The following ESYT3 variants were observed in gnomAD, a reference collection of about 807,000 sequenced individuals.
ESYT3 encodes the protein extended synaptotagmin 3.
In ESYT3, 101 loss-of-function variants were observed where a neutral mutation model predicts 111.5. The ratio of observed to expected loss-of-function variants is 0.91; its 90% CI spans 0.77 to 1.07. The LOEUF (loss-of-function observed/expected upper bound fraction) is 1.07, where lower values mean the gene tolerates loss of function less well. Among genes scored for constraint, ESYT3 ranks in the 50% least tolerant of loss-of-function variants. The probability of loss-of-function intolerance (pLI) is 0.00; values close to 1 mark genes in which losing one functional copy is unlikely to be tolerated. For synonymous variants in ESYT3, 416 were observed against 446.8 expected (o/e 0.93, Z 0.87); for missense variants, 1,097 against 1,109.4 (o/e 0.99, Z 0.16).
chr3:138,454,087 C>T (rs761836996), intron 2 of ESYT3, among the ~76,000 whole-genome samples: 2 of 152,164 alleles, frequency 1.3e-5, no homozygotes, highest in South Asian at 2.1e-4. Flanking sequence ...GGGACCCTAT[C>T]GCTACAAAAA....
At position 138,439,892 on chromosome 3, in the gene ESYT3, G is replaced by A. The variant is rs563578737; in HGVS notation, c.327+4767G>A. Among the ~76,000 whole-genome samples, 3 of 152,328 alleles carry A rather than the reference G, an allele frequency of 2.0e-5. No homozygotes were observed. In the South Asian group the frequency reaches 6.2e-4, roughly 32 times the overall value. ...TGGTAGCCATCAGTTACATCAGTTG[G>A]CAGCTTTGTGAGGGGCAGTTAACTC... On this transcript the variant is annotated intron_variant, in intron 1 of 22. Transcript: ENST00000389567.
chr3:138,478,861 A>C lies in ESYT3; in HGVS notation c.*2007A>C, dbSNP rs1195863811. The C allele has an allele frequency of 6.6e-6, 1 of 152,214 alleles. No individual in the cohort carries two copies. The highest frequency in any genetic ancestry group is 2.4e-5 in the African/African-American group (1 of 41,442). 9.4% of individuals were successfully genotyped at this position (152,214 alleles called of 1,614,324 possible). On this transcript the variant is annotated 3_prime_UTR_variant, in exon 23 of 23. Coordinates refer to ENST00000389567, the MANE Select transcript of ESYT3 (RefSeq NM_031913.5). ...ACAATCAGCTAATATGCAGGAGCAT[A>C]GGGTCTGAAGTTAACATCATCTTGG...
At chr3:138,443,705 CGT>C (rs2031325450) in intron 1 of ESYT3, among the ~76,000 whole-genome samples, 1 of 148,666 alleles carries the variant, frequency 6.7e-6, no homozygotes, top group Admixed American at 6.8e-5. Flanking sequence ...TGTGTGTCTG[CGT>C]GTGTGTCCAC....
At chr3:138,439,198 T>C (rs2030953247) in intron 1 of ESYT3, among the ~76,000 whole-genome samples, 1 of 152,244 alleles carries the variant, frequency 6.6e-6, no homozygotes, top group South Asian at 2.1e-4. Context: ...CAGTGGGGGC[T>C]GTCCCTTTAT....
downstream of ESYT3, chr3:138,480,895 A>G (rs372125502): frequency 3.0e-4 from 46 of 152,322 alleles, 1 homozygote; most frequent in African/African-American, 1.1e-3. Context: ...CAGGGAGCCA[A>G]CTGGGCCAAA....
In ESYT3 at chr3:138,476,429, T is replaced by G; in HGVS notation, c.2575-14T>G. 1 of 1,613,666 alleles carries G rather than the reference T, an allele frequency of 6.2e-7. No homozygotes were observed. The highest frequency in any genetic ancestry group is 8.5e-7 in the Non-Finnish European group (1 of 1,179,624). On this transcript the variant is annotated splice_polypyrimidine_tract_variant and intron_variant, in intron 21 of 22. Transcript: ENST00000389567. Reference sequence around the variant, plus strand: ...AGTGTTTTGGAGGGGAACTAATTATTTGTGATTATTTAGGTACTGATTGAC... The same window carrying G: ...AGTGTTTTGGAGGGGAACTAATTATGTGTGATTATTTAGGTACTGATTGAC...
chr3:138,459,193 CG>C lies in ESYT3; in HGVS notation c.592del (p.Asp198ThrfsTer15). ...TTTCCACCCCCCATTTCAGCTACAT[CG>C]GGGACTGTGAGATCAGTGTGGAGCT... The part of the protein sequence containing the change: ...VTVDLQICYI[G>X]DCEISVELQK... On this transcript the variant is annotated frameshift_variant, in exon 5 of 23. Coordinates refer to ENST00000389567, the MANE Select transcript of ESYT3 (RefSeq NM_031913.5). LOFTEE classifies it high-confidence loss of function. The C allele has an allele frequency of 6.5e-7, 1 of 1,535,128 alleles. No homozygotes were observed. The highest frequency in any genetic ancestry group is 8.8e-7 in the Non-Finnish European group (1 of 1,131,716).
At chr3:138,442,883 C>T (rs913495223) in intron 1 of ESYT3, among the ~76,000 whole-genome samples, 1 of 152,180 alleles carries the variant, frequency 6.6e-6, no homozygotes, top group Non-Finnish European at 1.5e-5. Context: ...TTTGCCCATT[C>T]ACTGTGGTCT....
chr3:138,449,619 C>T (rs928161001), intron 1 of ESYT3, among the ~76,000 whole-genome samples: 5 of 152,152 alleles, frequency 3.3e-5, no homozygotes, highest in African/African-American at 4.8e-5. Flanking sequence ...GATCACCTTT[C>T]GGGGTCGAGA....
rs1299606130 is a variant in ESYT3, at chr3:138,465,903, TATAAA to T, written c.1169+489_1169+493del. Among the ~76,000 whole-genome samples the T allele has an allele frequency of 2.0e-5, 3 of 152,208 alleles. No homozygotes were observed. In the East Asian group the frequency reaches 5.8e-4, roughly 29 times the overall value. ...CAGCAGTCCCACTTCCAGGATCTCCTATAAAATAAAAGCCCTAGTATCTGAAATGT... is the reference window on the plus strand; with the variant it reads ...CAGCAGTCCCACTTCCAGGATCTCCTATAAAAGCCCTAGTATCTGAAATGT... On this transcript the variant is annotated intron_variant, in intron 10 of 22. Coordinates refer to ENST00000389567, the MANE Select transcript of ESYT3 (RefSeq NM_031913.5).
chr3:138,443,976 G>A (rs967751777), intron 1 of ESYT3, among the ~76,000 whole-genome samples: 41 of 152,114 alleles, frequency 2.7e-4, no homozygotes, highest in African/African-American at 9.7e-4. Flanking sequence ...TGTCATTCTG[G>A]CTCCATTTCC....
At chr3:138,451,425 A>C (rs1236911540) in intron 1 of ESYT3, among the ~76,000 whole-genome samples, 3 of 152,150 alleles carry the variant, frequency 2.0e-5, no homozygotes, top group South Asian at 2.1e-4. Context: ...GAATTCCCTA[A>C]TATTTTTTCT....
At chr3:138,444,142 C>T (rs2108595344) in intron 1 of ESYT3, among the ~76,000 whole-genome samples, 1 of 152,310 alleles carries the variant, frequency 6.6e-6, no homozygotes, top group South Asian at 2.1e-4. Context: ...TCTCTAAATT[C>T]TCATCACCAC....
Position 138,457,588 on chromosome 3 carries a change from C to G in ESYT3, c.525C>G (p.Val175=). 1 of 1,614,172 alleles carries G rather than the reference C, an allele frequency of 6.2e-7. No individual in the cohort carries two copies. Among genetic ancestry groups the G allele is most frequent in the South Asian group, 1.1e-5 (1 of 91,078 alleles). The change falls in exon 4 of 23, where the codon GTC becomes GTG. Residue 175 remains valine (V), a synonymous_variant. Coordinates refer to ENST00000389567, the MANE Select transcript of ESYT3 (RefSeq NM_031913.5). ...FGQKCPRVNG[V]KAHTNTCNRR... ...TCCAGTGTCCCAGGGTCAACGGTGT[C>G]AAGGCACACACTAATACGTGCAACC... is the stretch of plus-strand genomic sequence containing the variant.
intron 1 of ESYT3, among the ~76,000 whole-genome samples, chr3:138,450,509 G>A (rs979368621): frequency 2.0e-5 from 3 of 152,184 alleles, no homozygotes; most frequent in African/African-American, 7.2e-5. Context: ...TTCCGTACCT[G>A]GGAATATAAA....
chr3:138,448,083 T>C (rs543218703), intron 1 of ESYT3, among the ~76,000 whole-genome samples: 18 of 151,634 alleles, frequency 1.2e-4, no homozygotes, highest in Admixed American at 1.2e-3. Flanking sequence ...CTGGCCAACA[T>C]GGTGAAACCC....
chr3:138,447,379 A>T (rs912595443), intron 1 of ESYT3, among the ~76,000 whole-genome samples: 1 of 152,214 alleles, frequency 6.6e-6, no homozygotes, highest in Non-Finnish European at 1.5e-5. Flanking sequence ...ATATATACCT[A>T]TTGAAATCTC....
chr3:138,434,705 C>A lies in ESYT3; in HGVS notation c.-94C>A. On this transcript the variant is annotated 5_prime_UTR_variant, in exon 1 of 23. Coordinates refer to ENST00000389567, the MANE Select transcript of ESYT3 (RefSeq NM_031913.5). ...GGGCAAGGGGGCGCGGCGTCCTGGTCCTCGAGCTTGGGAGACAGATGCGCA... is the reference window on the plus strand; with the variant it reads ...GGGCAAGGGGGCGCGGCGTCCTGGTACTCGAGCTTGGGAGACAGATGCGCA... 1 of 1,177,504 alleles carries A rather than the reference C, an allele frequency of 8.5e-7. No individual in the cohort carries two copies. Among genetic ancestry groups the A allele is most frequent in the Non-Finnish European group, 1.1e-6 (1 of 869,778 alleles). The allele number at this position is 1,177,504 out of a possible 1,614,324, so 72.9% of individuals were successfully genotyped here. A position where few individuals can be genotyped will look rare whatever the true frequency, so the allele number is the denominator to read the frequency against.
At chr3:138,464,673 GC>G (rs1280862362) in intron 9 of ESYT3, among the ~76,000 whole-genome samples, 158 bp downstream of exon 9, 2 of 152,098 alleles carry the variant, frequency 1.3e-5, no homozygotes, top group Non-Finnish European at 1.5e-5. Context: ...GGTTACTCTG[GC>G]CCGACTAAAG....
Sources: allele counts gnomAD v4.1 joint callset (sites outside exome capture counted in the v4.1 genomes callset), GRCh38; gene constraint gnomAD v4.1.1; transcripts MANE v1.5; gene names NCBI Gene and HGNC (gene_info 2026-07-23, HGNC 2026-07-21).